The following PTPRG variants were observed in gnomAD, a reference collection of about 807,000 sequenced individuals.
PTPRG encodes protein tyrosine phosphatase receptor type G.
In PTPRG, 102 loss-of-function variants were observed where a neutral mutation model predicts 165.3. The observed-to-expected ratio is 0.62, with a 90% CI of 0.53 to 0.73. The LOEUF is 0.73. Ranked by LOEUF, PTPRG falls within the 30% of genes least tolerant of loss-of-function variation. The pLI is 0.00. For missense variants in PTPRG, 1,866 were observed against 1,861.4 expected (o/e 1.00, Z -0.05); for synonymous variants, 675 against 669.5 (o/e 1.01, Z -0.13).
chr3:61,676,994 C>T lies in PTPRG; in HGVS notation c.86-71884C>T, dbSNP rs540566470. 2.0e-4 allele frequency among the ~76,000 whole-genome samples: 31 copies of T among 152,190 alleles called. No homozygotes were observed. In the East Asian group the frequency reaches 4.8e-3, roughly 24 times the overall value. On this transcript the variant is annotated intron_variant, in intron 1 of 29. Coordinates refer to ENST00000474889, the MANE Select transcript of PTPRG (RefSeq NM_002841.4). ...AAGCATGGTGGCTCAGGCCTGTAAT[C>T]CCAGCACTTTGGGAGGCTGAGGCGG...
intron 1 of PTPRG, among the ~76,000 whole-genome samples, chr3:61,565,696 T>G (rs1046744818): frequency 2.0e-5 from 3 of 150,236 alleles, no homozygotes; most frequent in African/African-American, 7.4e-5. Context: ...ACATTATATC[T>G]AGGATGCTGC....
chr3:62,146,588 G>T (rs1704131177), intron 6 of PTPRG, among the ~76,000 whole-genome samples: 1 of 151,370 alleles, frequency 6.6e-6, no homozygotes, highest in Non-Finnish European at 1.5e-5. Flanking sequence ...ATCACTGCAT[G>T]GAGTTGGCCC....
intron 4 of PTPRG, among the ~76,000 whole-genome samples, chr3:62,013,854 G>A (rs762941165): frequency 7.3e-5 from 11 of 151,298 alleles, no homozygotes; most frequent in Admixed American, 1.3e-4. Flanking sequence ...TGTTCCTGGA[G>A]CTTTGAACAC....
intron 2 of PTPRG, among the ~76,000 whole-genome samples, chr3:61,867,901 C>T (rs2037454934): frequency 1.3e-5 from 2 of 152,128 alleles, no homozygotes; most frequent in Non-Finnish European, 2.9e-5. Context: ...AGCTTGGGTG[C>T]AGTGGTCTTT....
chr3:61,883,142 T>C (rs2037935910), intron 2 of PTPRG, among the ~76,000 whole-genome samples: 1 of 152,248 alleles, frequency 6.6e-6, no homozygotes, highest in Admixed American at 6.5e-5. Context: ...CCTTGGGGAC[T>C]TTTTCCTTTT....
intron 2 of PTPRG, among the ~76,000 whole-genome samples, chr3:61,829,136 A>G (rs1240701432): frequency 6.6e-6 from 1 of 152,164 alleles, no homozygotes; most frequent in East Asian, 1.9e-4. Flanking sequence ...GAAGGAAGAT[A>G]CTCAGTATTT....
intron 2 of PTPRG, among the ~76,000 whole-genome samples, chr3:61,766,076 T>C (rs1399783854): frequency 6.6e-6 from 1 of 152,238 alleles, no homozygotes; most frequent in African/African-American, 2.4e-5. Context: ...TCAATACTCC[T>C]ATTGCAGGTC....
chr3:61,985,740 C>T (rs1325834802), intron 2 of PTPRG, among the ~76,000 whole-genome samples: 1 of 152,080 alleles, frequency 6.6e-6, no homozygotes, highest in African/African-American at 2.4e-5. Context: ...TCTTTGATTA[C>T]AGAGGTCTGT....
At chr3:61,676,471 A>AAAAGAAAAAAAAAAG (rs1703231759) in intron 1 of PTPRG, among the ~76,000 whole-genome samples, 1 of 99,022 alleles carries the variant, frequency 1.0e-5, no homozygotes, top group Non-Finnish European at 2.3e-5. Context: ...AAAAAAAAAA[A>AAAAGAAAAAAAAAAG]AAAGAAAATT....
chr3:61,863,944 A>G (rs898349290), intron 2 of PTPRG, among the ~76,000 whole-genome samples: 1 of 152,184 alleles, frequency 6.6e-6, no homozygotes, highest in Admixed American at 6.5e-5. Flanking sequence ...TGAACAAGTT[A>G]CCCAAGGTTA....
intron 2 of PTPRG, among the ~76,000 whole-genome samples, chr3:61,874,913 G>T (rs1449537682): frequency 6.6e-6 from 1 of 152,190 alleles, no homozygotes; most frequent in Non-Finnish European, 1.5e-5. Flanking sequence ...CACAAAATTT[G>T]TCTTATGTAG....
chr3:62,281,853 T>A (rs1439555790), intron 27 of PTPRG, 144 bp downstream of exon 27: 1 of 803,916 alleles, frequency 1.2e-6, no homozygotes, highest in Admixed American at 3.3e-5. Context: ...ATTTTCCGTT[T>A]TTCTTCCTTC....
intron 1 of PTPRG, among the ~76,000 whole-genome samples, chr3:61,572,421 G>T (rs1273503423): frequency 6.6e-6 from 1 of 152,130 alleles, no homozygotes; most frequent in African/African-American, 2.4e-5. Flanking sequence ...AACGAAGCTC[G>T]TTCTGGATCT....
Position 62,297,173 on chromosome 3 carries a change from T to G in PTPRG, c.*3866T>G, listed in dbSNP as rs1011781325. ...TATCTATGGTATATAATCATAGAATTTTATATTTTCATATAAAGCTAATTT... is the reference window on the plus strand; with the variant it reads ...TATCTATGGTATATAATCATAGAATGTTATATTTTCATATAAAGCTAATTT... On this transcript the variant is annotated 3_prime_UTR_variant, in exon 30 of 30. Transcript: ENST00000474889. The G allele has an allele frequency of 6.6e-6, 1 of 152,094 alleles. No individual in the cohort carries two copies. Among genetic ancestry groups the G allele is most frequent in the Non-Finnish European group, 1.5e-5 (1 of 67,982 alleles). The allele number at this position is 152,094 out of a possible 1,614,324, so 9.4% of individuals were successfully genotyped here.
chr3:62,264,480 G>GT (rs1471093414), intron 17 of PTPRG, among the ~76,000 whole-genome samples: 11 of 152,046 alleles, frequency 7.2e-5, no homozygotes, highest in Admixed American at 7.2e-4. Flanking sequence ...TAGAAACCCT[G>GT]TATCTACCTT....
At chr3:61,947,568 C>T (rs1194116780) in intron 2 of PTPRG, among the ~76,000 whole-genome samples, 2 of 152,058 alleles carry the variant, frequency 1.3e-5, no homozygotes, top group Non-Finnish European at 2.9e-5. Flanking sequence ...ACAGAAAAGC[C>T]AGGACAAGCA....
rs374285994 is a variant in PTPRG, at chr3:61,588,990, CAG to C, written c.85+26619_85+26620del. ...ATAGCTTATAGGATTTCCTGTAAAA[CAG>C]GGGTCAGCAAATCATAGCCTGGGAC... is the stretch of plus-strand genomic sequence containing the variant. On this transcript the variant is annotated intron_variant, in intron 1 of 29. Transcript: ENST00000474889. Among the ~76,000 whole-genome samples, 117 of 152,248 alleles carry C rather than the reference CAG, an allele frequency of 7.7e-4. 1 individual carries two copies. The highest frequency in any genetic ancestry group is 2.6e-3 in the African/African-American group (110 of 41,562).
At chr3:61,889,894 A>T (rs2038160672) in intron 2 of PTPRG, among the ~76,000 whole-genome samples, 1 of 152,214 alleles carries the variant, frequency 6.6e-6, no homozygotes, top group Non-Finnish European at 1.5e-5. Context: ...ACACCAACTT[A>T]TAATACAGAG....
At chr3:61,615,604 T>G (rs1446390039) in intron 1 of PTPRG, among the ~76,000 whole-genome samples, 1 of 152,248 alleles carries the variant, frequency 6.6e-6, no homozygotes, top group Non-Finnish European at 1.5e-5. Context: ...GAGCAGGTAC[T>G]TTGAGACTGC....
Sources: gnomAD v4.1 joint callset for allele counts (sites outside exome capture counted in the v4.1 genomes callset) on GRCh38, gnomAD v4.1.1 for gene constraint, MANE v1.5 for transcripts, NCBI Gene and HGNC (gene_info 2026-07-23, HGNC 2026-07-21) for gene names.